ABLIM2: variants seen among roughly 807,000 people sequenced by gnomAD.
ABLIM2 encodes actin-binding LIM protein 2.
Under a neutral mutation model 97.7 loss-of-function variants are expected in ABLIM2, and 53 were observed. The observed-to-expected ratio is 0.54, with a 90% CI of 0.44 to 0.68. The LOEUF is 0.68. Among genes scored for constraint, ABLIM2 ranks in the 30% least tolerant of loss-of-function variants. The probability of loss-of-function intolerance (pLI) is 0.00; values close to 1 mark genes in which losing one functional copy is unlikely to be tolerated. For missense variants in ABLIM2, 835 were observed against 867.2 expected (o/e 0.96, Z 0.47); for synonymous variants, 361 against 345.8 (o/e 1.04, Z -0.49).
intron 5 of ABLIM2, 106 bp downstream of exon 5, chr4:8,080,570 G>A (rs1470295979): frequency 3.9e-6 from 5 of 1,282,438 alleles, no homozygotes; most frequent in South Asian, 1.8e-5. Context: ...TGAGGAATAG[G>A]AGAGACACAG....
intron 7 of ABLIM2, among the ~76,000 whole-genome samples, chr4:8,056,659 G>GCTCACAC (rs1799355793): frequency 4.0e-5 from 6 of 151,868 alleles, no homozygotes; most frequent in Non-Finnish European, 7.4e-5. Flanking sequence ...CAGGCCGGGT[G>GCTCACAC]CTGTGGCTCA....
At position 8,071,687 on chromosome 4, in the gene ABLIM2, C is replaced by A; in HGVS notation, c.675+5941G>T. 3.1e-6 allele frequency: 3 copies of A among 967,490 alleles called. No homozygotes were observed. The highest frequency in any genetic ancestry group is 3.7e-6 in the Non-Finnish European group (3 of 813,370). The allele number at this position is 967,490 out of a possible 1,614,324, so 59.9% of individuals were successfully genotyped here. ...GGTCTCACACCTGACTGCTCTGTCC[C>A]CAAAAACCCACCCACCCGCAGCCCC... On this transcript the variant is annotated intron_variant, in intron 6 of 20. Transcript: ENST00000447017. This position sits in a 1 kb window ranked among gnomAD's most constrained non-coding sequence, Gnocchi z 6.2.
Position 8,032,635 on chromosome 4 carries a change from G to T in ABLIM2, c.1048-2859C>A, listed in dbSNP as rs1781686239. On this transcript the variant is annotated intron_variant, in intron 10 of 20. Transcript: ENST00000447017. The surrounding 1 kb of genome is among the most constrained non-coding windows in gnomAD (Gnocchi z 4.3). ...CCACGGCAAGCGGGGACAGGCGAGA[G>T]GGTGGTGGTTACCTCGGTCGGCGTT... The T allele has an allele frequency of 2.5e-6, 4 of 1,612,506 alleles. No individual in the cohort carries two copies. Among genetic ancestry groups the T allele is most frequent in the South Asian group, 2.2e-5 (2 of 91,072 alleles).
At chr4:8,060,836 G>A (rs1169749399) in intron 7 of ABLIM2, 131 bp downstream of exon 7, 27 of 748,270 alleles carry the variant, frequency 3.6e-5, no homozygotes, top group Non-Finnish European at 5.6e-5. Context: ...CCGGCTCCCC[G>A]CTGTGGCTGG....
rs143791638 is a variant in ABLIM2 at position 8,023,030 on chromosome 4, TCTCCTC to T, written c.1268-2733_1268-2728del. 2.0e-5 allele frequency: 3 copies of T among 149,030 alleles called. No individual in the cohort carries two copies. Among genetic ancestry groups the T allele is most frequent in the African/African-American group, 5.0e-5 (2 of 39,844 alleles). 9.2% of individuals were successfully genotyped at this position (149,030 alleles called of 1,614,324 possible). ...TCTTCCTCCTTCACTTTTTCCTCTT[TCTCCTC>T]CTCCTCCTCCTTCTTCTCTACTTTT... On this transcript the variant is annotated intron_variant, in intron 12 of 20. Coordinates refer to ENST00000447017, the MANE Select transcript of ABLIM2 (RefSeq NM_001130083.2). This position sits in a 1 kb window ranked among gnomAD's most constrained non-coding sequence, Gnocchi z 5.7.
rs770524273 is a variant in ABLIM2 at position 8,113,087 on chromosome 4, T to G, written c.11-6450A>C. The stretch of plus-strand genomic sequence containing the variant: ...CAGCAGAGTCCTCATCATTCCGTGA[T>G]CTCTGGGAATCTTTTTTCTTCTCCT... On this transcript the variant is annotated intron_variant, in intron 1 of 20. Transcript: ENST00000447017. The surrounding 1 kb of genome is among the most constrained non-coding windows in gnomAD (Gnocchi z 4.5). Among the ~76,000 whole-genome samples the G allele has an allele frequency of 1.3e-5, 2 of 152,128 alleles. No individual in the cohort carries two copies. The highest frequency in any genetic ancestry group is 4.8e-5 in the African/African-American group (2 of 41,416).
chr4:7,997,305 C>T (rs557346656), intron 16 of ABLIM2, among the ~76,000 whole-genome samples: 1 of 152,276 alleles, frequency 6.6e-6, no homozygotes, highest in Admixed American at 6.5e-5. Flanking sequence ...CTCTTGATCT[C>T]GTGATCCGCC....
At chr4:8,091,966 C>T (rs2152567538) in intron 3 of ABLIM2, among the ~76,000 whole-genome samples, 1 of 125,666 alleles carries the variant, frequency 8.0e-6, no homozygotes, top group South Asian at 2.3e-4. Context: ...ATATAGAATA[C>T]ATATTTTTAT....
intron 1 of ABLIM2, among the ~76,000 whole-genome samples, chr4:8,157,128 C>T (rs934878835): frequency 6.6e-6 from 1 of 152,204 alleles, no homozygotes; most frequent in African/African-American, 2.4e-5. Flanking sequence ...CCACCTATGC[C>T]TAAGACCACC....
intron 12 of ABLIM2, among the ~76,000 whole-genome samples, chr4:8,027,377 G>A (rs1056295095): frequency 1.3e-5 from 2 of 152,140 alleles, no homozygotes; most frequent in African/African-American, 2.4e-5. Flanking sequence ...TCCGTACAGC[G>A]TAGCTTCTGC....
At chr4:7,983,679 G>T in intron 18 of ABLIM2, 125 bp from the exon 19 acceptor site, 1 of 1,202,424 alleles carries the variant, frequency 8.3e-7, no homozygotes, top group Non-Finnish European at 1.2e-6. Context: ...GGCCATGCAT[G>T]GTCCCCGAGC....
At chr4:7,985,732 G>A (rs138198826) in intron 17 of ABLIM2, among the ~76,000 whole-genome samples, 12 of 152,158 alleles carry the variant, frequency 7.9e-5, no homozygotes, top group Admixed American at 7.9e-4. Context: ...ACTCTGAGGG[G>A]GATGGGCCCG....
intron 16 of ABLIM2, chr4:7,993,855 A>G: frequency 2.1e-6 from 1 of 469,600 alleles, no homozygotes; most frequent in South Asian, 1.5e-5. Context: ...CCCAGCCCCC[A>G]CCGAGCTCCC....
In ABLIM2 at chr4:8,002,722, C is replaced by A. The variant is rs1044886271; in HGVS notation, c.1618+5337G>T. ...TGTGCTGCTTAAATCCTGAGTCAGG[C>A]CAGGCTTGAGTCCTCCCAAGGGCAC... On this transcript the variant is annotated intron_variant, in intron 16 of 20. Coordinates refer to ENST00000447017, the MANE Select transcript of ABLIM2 (RefSeq NM_001130083.2). This position sits in a 1 kb window ranked among gnomAD's most constrained non-coding sequence, Gnocchi z 6.1. Among the ~76,000 whole-genome samples, 1 of 152,174 alleles carries A rather than the reference C, an allele frequency of 6.6e-6. No homozygotes were observed. The highest frequency in any genetic ancestry group is 1.5e-5 in the Non-Finnish European group (1 of 68,024).
At chr4:8,062,886 C>T (rs1465998493) in intron 6 of ABLIM2, among the ~76,000 whole-genome samples, 1 of 152,180 alleles carries the variant, frequency 6.6e-6, no homozygotes, top group Non-Finnish European at 1.5e-5. Flanking sequence ...TGGCCTGTGA[C>T]CTGTCCTCAC....
In ABLIM2 at chr4:8,069,259, T is replaced by C. The variant is rs1810136158; in HGVS notation, c.676-8205A>G. Among the ~76,000 whole-genome samples the C allele has an allele frequency of 6.6e-6, 1 of 152,258 alleles. No homozygotes were observed. Among genetic ancestry groups the C allele is most frequent in the Admixed American group, 6.5e-5 (1 of 15,288 alleles). Reference sequence around the variant, plus strand: ...GCAGACGAGCCGTCCAGTGGGGACGTTCTGAACAAGGCAACACGGTGCCCA... The same window carrying C: ...GCAGACGAGCCGTCCAGTGGGGACGCTCTGAACAAGGCAACACGGTGCCCA... On this transcript the variant is annotated intron_variant, in intron 6 of 20. Coordinates refer to ENST00000447017, the MANE Select transcript of ABLIM2 (RefSeq NM_001130083.2). This position sits in a 1 kb window ranked among gnomAD's most constrained non-coding sequence, Gnocchi z 4.2.
rs1810139570 is a variant in ABLIM2 at position 8,069,265 on chromosome 4, A to G, written c.676-8211T>C. 6.6e-6 allele frequency among the ~76,000 whole-genome samples: 1 copy of G among 152,264 alleles called. No homozygotes were observed. On this transcript the variant is annotated intron_variant, in intron 6 of 20. Transcript: ENST00000447017. The surrounding 1 kb of genome is among the most constrained non-coding windows in gnomAD (Gnocchi z 4.2). Reference sequence around the variant, plus strand: ...GAGCCGTCCAGTGGGGACGTTCTGAACAAGGCAACACGGTGCCCAGGAGGC... The same window carrying G: ...GAGCCGTCCAGTGGGGACGTTCTGAGCAAGGCAACACGGTGCCCAGGAGGC...
intron 1 of ABLIM2, among the ~76,000 whole-genome samples, chr4:8,131,267 A>G (rs1849318245): frequency 1.3e-5 from 2 of 152,210 alleles, no homozygotes; most frequent in Non-Finnish European, 2.9e-5. Context: ...CTATATGTAA[A>G]TGGCGAACAA....
In ABLIM2 at chr4:8,032,694, A is replaced by C. The variant is rs1004259313; in HGVS notation, c.1048-2918T>G. ...CAACTGAGGGGACTGTGGACACAACACACAAAGTGGCCATTAGTGCTGGCG... is the reference window on the plus strand; with the variant it reads ...CAACTGAGGGGACTGTGGACACAACCCACAAAGTGGCCATTAGTGCTGGCG... On this transcript the variant is annotated intron_variant, in intron 10 of 20. Coordinates refer to ENST00000447017, the MANE Select transcript of ABLIM2 (RefSeq NM_001130083.2). This position sits in a 1 kb window ranked among gnomAD's most constrained non-coding sequence, Gnocchi z 4.3. 2 of 1,612,288 alleles carry C rather than the reference A, an allele frequency of 1.2e-6. No individual in the cohort carries two copies. Among genetic ancestry groups the C allele is most frequent in the African/African-American group, 2.7e-5 (2 of 74,878 alleles).
Sources: gnomAD v4.1 joint callset for allele counts (sites outside exome capture counted in the v4.1 genomes callset) on GRCh38, gnomAD v4.1.1 for gene constraint, Gnocchi (gnomAD v3.1) non-coding constraint, MANE v1.5 for transcripts, NCBI Gene and HGNC (gene_info 2026-07-23, HGNC 2026-07-21) for gene names.